RBM25: variants seen among roughly 807,000 people sequenced by gnomAD.
RBM25 encodes RNA binding motif protein 25, also known as RNA-binding protein 25.
Under a neutral mutation model 120.7 loss-of-function variants are expected in RBM25, and 19 were observed. The observed-to-expected ratio is 0.16, with a 90% CI of 0.11 to 0.23. The LOEUF (loss-of-function observed/expected upper bound fraction) is 0.23. Among genes scored for constraint, RBM25 ranks in the 10% least tolerant of loss-of-function variants. RBM25 has a pLI of 1.00. For synonymous variants in RBM25, 390 were observed against 326.7 expected (o/e 1.19, Z -2.09); for missense variants, 605 against 1,041.5 (o/e 0.58, Z 5.77).
chr14:73,094,678 C>T (rs1042971568), intron 6 of RBM25, among the ~76,000 whole-genome samples: 2 of 152,070 alleles, frequency 1.3e-5, no homozygotes, highest in African/African-American at 4.8e-5. Context: ...TGAGCCGCTG[C>T]ACGCGGCTGG....
chr14:73,078,058 T>C (rs1305586767), intron 4 of RBM25, among the ~76,000 whole-genome samples: 1 of 152,070 alleles, frequency 6.6e-6, no homozygotes, highest in Admixed American at 6.6e-5. Flanking sequence ...ATCCCAGCAC[T>C]TCAGGAGGCC....
intron 1 of RBM25, 133 bp from the exon 2 acceptor site, chr14:73,071,494 G>T (rs1056443957): frequency 3.1e-6 from 2 of 651,474 alleles, no homozygotes; most frequent in Non-Finnish European, 5.4e-6. Context: ...TGAAAAGAGG[G>T]TCTTTGCCAA....
intron 1 of RBM25, among the ~76,000 whole-genome samples, chr14:73,059,994 GAAAT>G (rs1421219744): frequency 6.6e-6 from 1 of 152,020 alleles, no homozygotes; most frequent in Non-Finnish European, 1.5e-5. Context: ...GATTTTCAAT[GAAAT>G]GTAAGAGTCC....
At chr14:73,059,536 T>G (rs1020877463) in intron 1 of RBM25, 5 of 152,216 alleles carry the variant, frequency 3.3e-5, no homozygotes, top group Non-Finnish European at 7.3e-5. Context: ...AAATGCCATT[T>G]TGATACTGGG....
At chr14:73,111,234 AT>A in intron 15 of RBM25, 79 bp downstream of exon 15, 2 of 1,236,502 alleles carry the variant, frequency 1.6e-6, no homozygotes, top group Non-Finnish European at 2.2e-6. Context: ...AAAGAAAAAA[AT>A]TTATATTTGT....
intron 15 of RBM25, 115 bp from the exon 16 acceptor site, chr14:73,111,413 A>G: frequency 8.3e-7 from 1 of 1,205,808 alleles, no homozygotes; most frequent in Non-Finnish European, 1.2e-6. Context: ...TACAGTTGGG[A>G]TCTTTCTCTA....
At chr14:73,075,171 A>AT (rs899331290) in intron 2 of RBM25, among the ~76,000 whole-genome samples, 116 of 151,294 alleles carry the variant, frequency 7.7e-4, no homozygotes, top group African/African-American at 2.6e-3. Flanking sequence ...TTATTTATTT[A>AT]TTTTTTTGGT....
intron 2 of RBM25, among the ~76,000 whole-genome samples, chr14:73,075,533 C>T (rs1267254880): frequency 2.0e-5 from 3 of 152,178 alleles, no homozygotes; most frequent in African/African-American, 7.2e-5. Context: ...TTTCTCATCT[C>T]ATGCTTAAAA....
At chr14:73,079,916 G>A (rs922690015) in intron 4 of RBM25, among the ~76,000 whole-genome samples, 4 of 150,576 alleles carry the variant, frequency 2.7e-5, no homozygotes, top group Admixed American at 2.7e-4. Flanking sequence ...CCTAATCTGA[G>A]GTCTGCAGAG....
At chr14:73,112,457 T>C (rs1259062186) in intron 17 of RBM25, among the ~76,000 whole-genome samples, 2 of 152,160 alleles carry the variant, frequency 1.3e-5, no homozygotes, top group Non-Finnish European at 2.9e-5. Flanking sequence ...ATGTCTGCTT[T>C]AATGAACCTT....
intron 1 of RBM25, among the ~76,000 whole-genome samples, chr14:73,070,977 C>G (rs527469837): frequency 5.1e-4 from 76 of 148,626 alleles, no homozygotes; most frequent in Non-Finnish European, 9.0e-4. Context: ...CATGGTGGCT[C>G]ACGCCTGTAA....
intron 1 of RBM25, chr14:73,059,286 GT>G (rs1330116136): frequency 6.6e-6 from 1 of 152,190 alleles, no homozygotes; most frequent in African/African-American, 2.4e-5. Context: ...CTTTTTAGCA[GT>G]CTCCTGGCTT....
intron 4 of RBM25, among the ~76,000 whole-genome samples, chr14:73,078,912 T>C (rs908398364): frequency 9.2e-5 from 14 of 152,200 alleles, no homozygotes; most frequent in Non-Finnish European, 1.9e-4. Flanking sequence ...CTAGGGTTAA[T>C]ATTTTGAGAC....
At chr14:73,082,637 C>T (rs1472262787) in intron 4 of RBM25, among the ~76,000 whole-genome samples, 1 of 152,180 alleles carries the variant, frequency 6.6e-6, no homozygotes, top group Non-Finnish European at 1.5e-5. Context: ...ATAACCTGCC[C>T]TCCTTCACAT....
chr14:73,112,301 A>G (rs762601280), intron 17 of RBM25, 51 bp downstream of exon 17: 40 of 1,472,030 alleles, frequency 2.7e-5, no homozygotes, highest in Non-Finnish European at 3.5e-5. Flanking sequence ...ATATTAAAAT[A>G]TTAGACACTT....
In RBM25 at chr14:73,109,515, C is replaced by T. The variant is rs757460246; in HGVS notation, c.1692+23C>T. The T allele has an allele frequency of 2.1e-5, 33 of 1,599,708 alleles. No homozygotes were observed. In the East Asian group the frequency reaches 5.0e-4, roughly 24 times the overall value. Reference sequence around the variant, plus strand: ...AGGGTAAGATACTGTACCATCTGGTCGGGCGCGGTGGCTCACGCCTGTAAT... The same window carrying T: ...AGGGTAAGATACTGTACCATCTGGTTGGGCGCGGTGGCTCACGCCTGTAAT... On this transcript the variant is annotated intron_variant, in intron 14 of 18. Transcript: ENST00000261973.
chr14:73,099,536 A>C, intron 8 of RBM25, 103 bp downstream of exon 8: 1 of 1,584,096 alleles, frequency 6.3e-7, no homozygotes, highest in South Asian at 1.2e-5. Context: ...TTAGATTGTT[A>C]GATTTGTTAT....
rs543024631 is a variant in RBM25 at position 73,071,846 on chromosome 14, G to A, written c.106+99G>A. ...TTAGATATGTGACTGTGTTAGTGAA[G>A]ATGCCTCTCAGCGTTGTTTGGGAAA... is the stretch of plus-strand genomic sequence containing the variant. On this transcript the variant is annotated intron_variant, in intron 2 of 18. Coordinates refer to ENST00000261973, the MANE Select transcript of RBM25 (RefSeq NM_021239.3). The A allele has an allele frequency of 1.4e-5, 13 of 931,342 alleles. No individual in the cohort carries two copies. In the South Asian group the frequency reaches 1.9e-4, roughly 14 times the overall value. 57.7% of individuals were successfully genotyped at this position (931,342 alleles called of 1,614,324 possible).
chr14:73,089,184 T>C (rs1267630852), intron 6 of RBM25, among the ~76,000 whole-genome samples: 2 of 151,892 alleles, frequency 1.3e-5, no homozygotes, highest in African/African-American at 4.8e-5. Context: ...TCATGTTCCC[T>C]CCAAGTTCTT....
Sources: gnomAD v4.1 joint callset for allele counts (sites outside exome capture counted in the v4.1 genomes callset) on GRCh38, gnomAD v4.1.1 for gene constraint, MANE v1.5 for transcripts, NCBI Gene and HGNC (gene_info 2026-07-23, HGNC 2026-07-21) for gene names.